The following CPA6 variants were observed in gnomAD, a reference collection of about 807,000 sequenced individuals.
CPA6 encodes the protein carboxypeptidase B.
A neutral mutation model predicts 63.3 loss-of-function variants in CPA6; 58 were observed. That is an observed-to-expected ratio of 0.92 (90% CI 0.74 to 1.14). The LOEUF (loss-of-function observed/expected upper bound fraction) is 1.14, where lower values mean the gene tolerates loss of function less well. CPA6 is among the 50% of genes most tolerant of loss of function. CPA6 has a pLI of 0.00. For synonymous variants in CPA6, 185 were observed against 179.0 expected (o/e 1.03, Z -0.27); for missense variants, 565 against 526.6 (o/e 1.07, Z -0.71).
chr8:67,721,479 C>T (rs1007932180), intron 1 of CPA6, among the ~76,000 whole-genome samples: 1 of 152,182 alleles, frequency 6.6e-6, no homozygotes, highest in Non-Finnish European at 1.5e-5. Context: ...ACTAGTTTTA[C>T]TTTTGCAAAG....
At chr8:67,568,814 G>A (rs151237163) in intron 2 of CPA6, among the ~76,000 whole-genome samples, 1 of 152,150 alleles carries the variant, frequency 6.6e-6, no homozygotes, top group African/African-American at 2.4e-5. Context: ...GCAGTGGCAC[G>A]ATCTCGGCTC....
At chr8:67,446,877 A>C (rs1810428545) in intron 8 of CPA6, among the ~76,000 whole-genome samples, 1 of 152,180 alleles carries the variant, frequency 6.6e-6, no homozygotes, top group Non-Finnish European at 1.5e-5. Context: ...ATAGTTTACA[A>C]ATACACATAC....
At chr8:67,569,071 T>C (rs1167170757) in intron 2 of CPA6, among the ~76,000 whole-genome samples, 2 of 152,144 alleles carry the variant, frequency 1.3e-5, no homozygotes, top group Non-Finnish European at 2.9e-5. Flanking sequence ...TTTTAAAAAA[T>C]AATGAATGAA....
rs549877951 is a variant in CPA6 at position 67,643,281 on chromosome 8, T to C, written c.117-19030A>G. Among the ~76,000 whole-genome samples the C allele has an allele frequency of 2.6e-5, 4 of 152,298 alleles. No homozygotes were observed. The East Asian group carries it at 7.7e-4, about 29-fold the overall frequency. On this transcript the variant is annotated intron_variant, in intron 1 of 10. Coordinates refer to ENST00000297770, the MANE Select transcript of CPA6 (RefSeq NM_020361.5). ...AGGAGAGTCATACAGGAATCGCAGC[T>C]TTATGTCATAATCACAAAACTAAAC...
At chr8:67,627,515 AG>A (rs1815220244) in intron 1 of CPA6, among the ~76,000 whole-genome samples, 1 of 152,234 alleles carries the variant, frequency 6.6e-6, no homozygotes, top group African/African-American at 2.4e-5. Flanking sequence ...TTTGGGGTTA[AG>A]ATGAGGGAAT....
At chr8:67,456,847 C>T (rs766036320) in intron 8 of CPA6, among the ~76,000 whole-genome samples, 6 of 152,230 alleles carry the variant, frequency 3.9e-5, no homozygotes, top group Middle Eastern at 3.4e-3. Flanking sequence ...ATTTGAATAC[C>T]GGCAGAAGAG....
intron 2 of CPA6, among the ~76,000 whole-genome samples, chr8:67,541,577 C>A (rs758672311): frequency 6.6e-6 from 1 of 151,976 alleles, no homozygotes; most frequent in Non-Finnish European, 1.5e-5. Context: ...AGTTGTGAGC[C>A]CTTAGAAGGG....
chr8:67,745,986 T>C, intron 1 of CPA6, 28 bp downstream of exon 1: 1 of 1,552,880 alleles, frequency 6.4e-7, no homozygotes, highest in Non-Finnish European at 8.9e-7. Flanking sequence ...ATCAAAGCTG[T>C]GTAGGGCATG....
intron 1 of CPA6, among the ~76,000 whole-genome samples, chr8:67,680,649 G>C (rs1816572517): frequency 6.6e-6 from 1 of 152,132 alleles, no homozygotes; most frequent in Non-Finnish European, 1.5e-5. Flanking sequence ...CCTTCCTAGT[G>C]TTAGCCTTAA....
intron 2 of CPA6, among the ~76,000 whole-genome samples, chr8:67,598,069 C>G (rs990061927): frequency 1.7e-4 from 26 of 152,282 alleles, no homozygotes; most frequent in African/African-American, 5.8e-4. Flanking sequence ...TTGGTCCACC[C>G]TCACTCCTAG....
chr8:67,642,556 G>T (rs1366091647), intron 1 of CPA6, among the ~76,000 whole-genome samples: 2 of 152,042 alleles, frequency 1.3e-5, no homozygotes, highest in African/African-American at 2.4e-5. Flanking sequence ...GAAGAAGAAG[G>T]TGAGCAATTC....
At chr8:67,661,172 T>G (rs1195815839) in intron 1 of CPA6, among the ~76,000 whole-genome samples, 1 of 152,168 alleles carries the variant, frequency 6.6e-6, no homozygotes, top group Non-Finnish European at 1.5e-5. Context: ...ATTTTAGATA[T>G]GGCGGTCAAG....
intron 1 of CPA6, among the ~76,000 whole-genome samples, chr8:67,663,983 G>A (rs1816174752): frequency 6.6e-6 from 1 of 152,154 alleles, no homozygotes; most frequent in Non-Finnish European, 1.5e-5. Context: ...GGCCTTTATT[G>A]GAAGGATACA....
At chr8:67,426,429 T>G (rs1333476544) in intron 10 of CPA6, among the ~76,000 whole-genome samples, 1 of 151,806 alleles carries the variant, frequency 6.6e-6, no homozygotes, top group African/African-American at 2.4e-5. Flanking sequence ...GTAATATGAT[T>G]GTTTAAATAC....
intron 1 of CPA6, among the ~76,000 whole-genome samples, chr8:67,712,102 T>C (rs1023588338): frequency 1.3e-5 from 2 of 152,110 alleles, no homozygotes; most frequent in African/African-American, 4.8e-5. Flanking sequence ...GAGCTCGACC[T>C]GTGCAGGAGG....
intron 1 of CPA6, among the ~76,000 whole-genome samples, chr8:67,742,678 T>C (rs956787703): frequency 6.6e-6 from 1 of 152,202 alleles, no homozygotes; most frequent in African/African-American, 2.4e-5. Context: ...GAGGAAGGTC[T>C]AATATTACCT....
At chr8:67,638,660 G>A (rs544834523) in intron 1 of CPA6, among the ~76,000 whole-genome samples, 13 of 151,608 alleles carry the variant, frequency 8.6e-5, no homozygotes, top group African/African-American at 2.7e-4. Flanking sequence ...CTCCCCCAGG[G>A]GCAGCGTATG....
intron 2 of CPA6, chr8:67,569,773 A>T (rs1409247594): frequency 4.9e-6 from 1 of 204,628 alleles, no homozygotes; most frequent in Admixed American, 5.8e-5. Context: ...TCAAATACCG[A>T]CATGGTTTTT....
At chr8:67,604,158 C>G (rs561937755) in intron 2 of CPA6, among the ~76,000 whole-genome samples, 18 of 152,270 alleles carry the variant, frequency 1.2e-4, no homozygotes, top group African/African-American at 3.9e-4. Flanking sequence ...CCTCAAAACA[C>G]TGGAGTGAAT....
Sources: allele counts gnomAD v4.1 joint callset (sites outside exome capture counted in the v4.1 genomes callset), GRCh38; gene constraint gnomAD v4.1.1; transcripts MANE v1.5; gene names NCBI Gene and HGNC (gene_info 2026-07-23, HGNC 2026-07-21).